The following ANO7 variants were observed in gnomAD, a reference collection of about 807,000 sequenced individuals.
ANO7 encodes the protein anoctamin-7.
A neutral mutation model predicts 115.8 loss-of-function variants in ANO7; 114 were observed. The observed-to-expected ratio is 0.98, with a 90% CI of 0.85 to 1.15. ANO7 has a LOEUF of 1.15. Ranked by LOEUF, ANO7 falls within the 50% of genes most tolerant of loss-of-function variation. The pLI, the probability that ANO7 is intolerant of heterozygous loss-of-function variation, is 0.00. For synonymous variants in ANO7, 550 were observed against 498.2 expected (o/e 1.10, Z -1.38); for missense variants, 1,302 against 1,201.2 (o/e 1.08, Z -1.24).
In ANO7 at chr2:241,199,314, A is replaced by C. The variant is rs1420568018; in HGVS notation, c.310-2A>C. The C allele has an allele frequency of 6.2e-7, 1 of 1,613,480 alleles. No individual in the cohort carries two copies. Among genetic ancestry groups the C allele is most frequent in the East Asian group, 2.2e-5 (1 of 44,902 alleles). ...CTCTCACGGAGCCCTGGGTGCCTACAGCAGGACGTCCAGGACGGGAACACC... is the reference window on the plus strand; with the variant it reads ...CTCTCACGGAGCCCTGGGTGCCTACCGCAGGACGTCCAGGACGGGAACACC... On this transcript the variant is annotated splice_acceptor_variant, in intron 4 of 24. Coordinates refer to ENST00000674324, the MANE Select transcript of ANO7 (RefSeq NM_001370694.2). LOFTEE classifies it high-confidence loss of function.
chr2:241,212,125 C>T lies in ANO7; in HGVS notation c.1593C>T (p.Asp531=), dbSNP rs775596372. 2.4e-5 allele frequency: 39 copies of T among 1,613,962 alleles called. No individual in the cohort carries two copies. Among genetic ancestry groups the T allele is most frequent in the East Asian group, 1.8e-4 (8 of 44,888 alleles). ...ACCGCACCCAGACCAAGTTCGAGGA[C>T]GCCTTCACCCTCAAGGTGTTCATCT... The part of the protein sequence containing the change: ...EMHRTQTKFE[D]AFTLKVFIFQ... The change falls in exon 16 of 25, where the codon GAC becomes GAT. Residue 531 remains aspartate, a synonymous_variant. Transcript: ENST00000674324.
rs1323150012 is a variant in ANO7, at chr2:241,214,917, C to T, written c.1826+15C>T. ...GTCCTCATCCCGTGAGTCCCCCACT[C>T]CTCCCTGGGTGGCATCCAAGGACCG... On this transcript the variant is annotated intron_variant, in intron 18 of 24. Coordinates refer to ENST00000674324, the MANE Select transcript of ANO7 (RefSeq NM_001370694.2). The T allele has an allele frequency of 6.2e-7, 1 of 1,609,780 alleles. No homozygotes were observed. Among genetic ancestry groups the T allele is most frequent in the Non-Finnish European group, 8.5e-7 (1 of 1,179,030 alleles).
At chr2:241,215,642 G>C (rs1227362691) in intron 18 of ANO7, among the ~76,000 whole-genome samples, 1 of 152,244 alleles carries the variant, frequency 6.6e-6, no homozygotes, top group African/African-American at 2.4e-5. Flanking sequence ...GGCAGGAGCA[G>C]GGCACGGATG....
At chr2:241,239,584 G>A in the ANO7 span, 7 of 1,607,876 alleles carry the variant, frequency 4.4e-6, no homozygotes, top group Non-Finnish European at 5.1e-6. This position sits in a 1 kb window ranked among gnomAD's most constrained non-coding sequence, Gnocchi z 4.6. Flanking sequence ...ACCCCTCCCC[G>A]AGCACCCAAG....
rs375780942 is a variant in ANO7 at position 241,209,597 on chromosome 2, C to T, written c.1321C>T (p.Arg441Cys). 1.8e-5 allele frequency: 29 copies of T among 1,596,220 alleles called. No homozygotes were observed. The highest frequency in any genetic ancestry group is 4.5e-5 in the East Asian group (2 of 44,758). The change falls in exon 13 of 25, where the codon CGC becomes TGC. Residue 441 changes from arginine (R) to cysteine (C), a missense_variant. Physicochemically the swap from Arg to Cys is radical, Grantham distance 180. Transcript: ENST00000674324. ...CTACTTCCCTGAGAGGAGCCGCGCG[C>T]GCCGCATGCTGGCCGGCTCTGTGGT... The part of the protein sequence containing the change: ...EPYFPERSRA[R>C]RMLAGSVVIV...
At chr2:241,209,700 C>A (rs2068677386) in intron 13 of ANO7, 65 bp downstream of exon 13, 1 of 1,489,188 alleles carries the variant, frequency 6.7e-7, no homozygotes. Flanking sequence ...GTGGTTTTGT[C>A]CCCCATCTCA....
At chr2:241,190,686 A>G (rs2068179422) in intron 2 of ANO7, among the ~76,000 whole-genome samples, 1 of 152,132 alleles carries the variant, frequency 6.6e-6, no homozygotes, top group South Asian at 2.1e-4. Context: ...GCGGGTGGAC[A>G]CGGGACCCCT....
intron 11 of ANO7, among the ~76,000 whole-genome samples, chr2:241,208,946 G>A (rs28408394): frequency 0.052 from 7,847 of 152,016 alleles, 668 homozygotes; most frequent in African/African-American, 0.18. Flanking sequence ...TCAGAAGATC[G>A]AGACCATCCT....
At chr2:241,194,308 CTTTT>C in intron 3 of ANO7, among the ~76,000 whole-genome samples, 1 of 131,780 alleles carries the variant, frequency 7.6e-6, no homozygotes, top group Admixed American at 8.0e-5. Context: ...TATTTATTTC[CTTTT>C]TTTTTTTTTT....
At chr2:241,233,999 G>C in the ANO7 span, 10 of 1,612,788 alleles carry the variant, frequency 6.2e-6, no homozygotes, top group Non-Finnish European at 8.5e-6. This position sits in a 1 kb window ranked among gnomAD's most constrained non-coding sequence, Gnocchi z 4.3. Flanking sequence ...GGCAAAGATT[G>C]AGCTGATCCA....
intron 4 of ANO7, 31 bp downstream of exon 4, chr2:241,195,876 A>C: frequency 1.2e-6 from 2 of 1,614,004 alleles, no homozygotes; most frequent in East Asian, 2.2e-5. Flanking sequence ...GCAGGGCCCT[A>C]GGCCCTGCAT....
Position 241,217,673 on chromosome 2 carries a change from C to A in ANO7, c.1973-13C>A, listed in dbSNP as rs957647600. Reference sequence around the variant, plus strand: ...CGGTGGCGGAGAGCCCGGCCGTGACCCCCTCCCCGCAGTGCTGCAGTTCGG... The same window carrying A: ...CGGTGGCGGAGAGCCCGGCCGTGACACCCTCCCCGCAGTGCTGCAGTTCGG... On this transcript the variant is annotated splice_polypyrimidine_tract_variant and intron_variant, in intron 19 of 24. Transcript: ENST00000674324. 3.8e-6 allele frequency: 6 copies of A among 1,569,486 alleles called. No homozygotes were observed. The highest frequency in any genetic ancestry group is 1.2e-5 in the South Asian group (1 of 86,816).
At chr2:241,217,501 GC>G in intron 19 of ANO7, 184 bp from the exon 20 acceptor site, 1 of 655,654 alleles carries the variant, frequency 1.5e-6, no homozygotes, top group Non-Finnish European at 2.5e-6. Context: ...CCGGCCTGAG[GC>G]CGGTCAGGAG....
At chr2:241,190,382 G>A (rs553293936) in intron 2 of ANO7, among the ~76,000 whole-genome samples, 9 of 152,272 alleles carry the variant, frequency 5.9e-5, no homozygotes, top group East Asian at 1.9e-4. Flanking sequence ...GTGGAGAACC[G>A]AGCAGAACCC....
rs144795528 is a variant in ANO7, at chr2:241,212,615, C to T, written c.1717C>T (p.Arg573Cys). 1.0e-4 allele frequency: 166 copies of T among 1,612,886 alleles called. No homozygotes were observed. The highest frequency in any genetic ancestry group is 1.5e-4 in the Admixed American group (9 of 59,882). Residue 573 changes from arginine to cysteine, a missense_variant, in exon 17 of 25, where the codon CGC (arginine) becomes TGC (cysteine). Arg to Cys is a radical substitution (Grantham distance 180). Coordinates refer to ENST00000674324, the MANE Select transcript of ANO7 (RefSeq NM_001370694.2). ...CAACTACCACACCTTGTTTGGAGTC[C>T]GCAATGAGGAGGTGAGTGTGCCTGA... ...PGNYHTLFGV[R>C]NEECAAGGCL...
At chr2:241,220,017 T>C (rs940525563) in intron 21 of ANO7, among the ~76,000 whole-genome samples, 2 of 152,130 alleles carry the variant, frequency 1.3e-5, no homozygotes, top group African/African-American at 2.4e-5. Flanking sequence ...TTACATGGAG[T>C]TTTAGTTTTA....
intron 21 of ANO7, among the ~76,000 whole-genome samples, chr2:241,219,115 T>C (rs1442005632): frequency 6.6e-6 from 1 of 152,198 alleles, no homozygotes; most frequent in Non-Finnish European, 1.5e-5. Flanking sequence ...GGTGGCCTCA[T>C]ACCATAATAG....
chr2:241,229,990 C>T, downstream of ANO7: 1 of 1,579,274 alleles, frequency 6.3e-7, no homozygotes, highest in Non-Finnish European at 8.6e-7. Flanking sequence ...AAGACAGGGT[C>T]AGTCTGCCCA....
At chr2:241,232,506 C>T in the ANO7 span, among the ~76,000 whole-genome samples, 1 of 152,168 alleles carries the variant, frequency 6.6e-6, no homozygotes, top group African/African-American at 2.4e-5. Flanking sequence ...GAACTCCTGA[C>T]CTCAGGGGAT....
Sources: gnomAD v4.1 joint callset for allele counts (sites outside exome capture counted in the v4.1 genomes callset) on GRCh38, gnomAD v4.1.1 for gene constraint, Gnocchi (gnomAD v3.1) non-coding constraint, MANE v1.5 for transcripts, NCBI Gene and HGNC (gene_info 2026-07-23, HGNC 2026-07-21) for gene names.